Variants in DNAI4 observed in about 807,000 individuals in gnomAD.
The protein encoded by DNAI4 is WD repeat domain 78.
In DNAI4, 85 loss-of-function variants were observed where a neutral mutation model predicts 105.8. That is an observed-to-expected ratio of 0.80 (90% confidence interval 0.67 to 0.96). The LOEUF is 0.96. DNAI4 is among the 40% of genes least tolerant of loss of function. The pLI, the probability that DNAI4 is intolerant of heterozygous loss-of-function variation, is 0.00. For synonymous variants in DNAI4, 352 were observed against 331.5 expected, an observed-to-expected ratio of 1.06 and a Z score of -0.67; for missense variants, 1,014 against 1,005.6, an observed-to-expected ratio of 1.01 and a Z score of -0.11.
At chr1:66,822,149 CTCAT>C (rs1345773366) in intron 16 of DNAI4, among the ~76,000 whole-genome samples, 1 of 150,968 alleles carries the variant, frequency 6.6e-6, no homozygotes, top group African/African-American at 2.4e-5. Context: ...CATTATTATT[CTCAT>C]TATCTTTTAC....
At chr1:66,917,117 G>A (rs1240963183) in intron 1 of DNAI4, among the ~76,000 whole-genome samples, 1 of 152,090 alleles carries the variant, frequency 6.6e-6, no homozygotes, top group Non-Finnish European at 1.5e-5. Context: ...AATTAGACAG[G>A]GAGCATTGTC....
At chr1:66,872,006 G>C (rs1646857078) in intron 5 of DNAI4, among the ~76,000 whole-genome samples, 1 of 152,048 alleles carries the variant, frequency 6.6e-6, no homozygotes. Flanking sequence ...CTGCATGTGT[G>C]CTGAAAGAGA....
At chr1:66,908,145 C>G (rs909554616) in intron 1 of DNAI4, among the ~76,000 whole-genome samples, 8 of 152,150 alleles carry the variant, frequency 5.3e-5, no homozygotes, top group Non-Finnish European at 1.2e-4. Context: ...GAGCCTATAC[C>G]TGTATATTAA....
intron 5 of DNAI4, among the ~76,000 whole-genome samples, chr1:66,871,944 T>C (rs945560981): frequency 2.0e-5 from 3 of 152,350 alleles, no homozygotes; most frequent in African/African-American, 4.8e-5. Flanking sequence ...AATTCTATTC[T>C]GAAATTTTTG....
At position 66,836,184 on chromosome 1, in the gene DNAI4, GAAAGAAAGAAAGAAAGAAAGAA is replaced by G. The variant is rs1284097560; in HGVS notation, c.1582-429_1582-408del. On this transcript the variant is annotated intron_variant, in intron 10 of 16. Coordinates refer to ENST00000371026, the MANE Select transcript of DNAI4 (RefSeq NM_024763.5). The stretch of plus-strand genomic sequence containing the variant: ...AGAAAGAAAGAAAGAAAGAAAGAAA[GAAAGAAAGAAAGAAAGAAAGAA>G]AGAGAGAGAGAGAGAGAGAGAGAGA... Among the ~76,000 whole-genome samples the G allele has an allele frequency of 1.1e-3, 63 of 59,838 alleles. 1 individual carries two copies. The highest frequency in any genetic ancestry group is 8.2e-3 in the Middle Eastern group (1 of 122). The allele number at this position is 59,838 out of a possible 152,430, so 39.3% of individuals were successfully genotyped here.
chr1:66,893,445 C>A (rs1439487977), intron 2 of DNAI4, 32 bp from the exon 3 acceptor site: 5 of 1,395,708 alleles, frequency 3.6e-6, no homozygotes, highest in South Asian at 1.8e-5. Context: ...AATGAAATAA[C>A]TAAAAAAGAC....
intron 4 of DNAI4, among the ~76,000 whole-genome samples, chr1:66,879,047 C>A (rs1931297): frequency 6.6e-6 from 1 of 152,090 alleles, no homozygotes; most frequent in East Asian, 1.9e-4. Context: ...AAACCTCCCA[C>A]ATTTTAAGTC....
At chr1:66,907,798 A>C (rs1649370951) in intron 1 of DNAI4, among the ~76,000 whole-genome samples, 1 of 152,174 alleles carries the variant, frequency 6.6e-6, no homozygotes, top group African/African-American at 2.4e-5. Context: ...TTGCTACTTC[A>C]GACACTTACT....
chr1:66,886,245 C>T (rs932603906), intron 4 of DNAI4, among the ~76,000 whole-genome samples: 1 of 152,182 alleles, frequency 6.6e-6, no homozygotes, highest in African/African-American at 2.4e-5. Context: ...ACATTGTATA[C>T]TTTCTCCATT....
intron 4 of DNAI4, among the ~76,000 whole-genome samples, chr1:66,882,315 A>T (rs6680173): frequency 0.073 from 11,113 of 152,252 alleles, 643 homozygotes; most frequent in African/African-American, 0.16. Context: ...AAAAATTTTT[A>T]AAAAGTCCAA....
At chr1:66,889,968 CAT>C (rs1333024033) in intron 4 of DNAI4, among the ~76,000 whole-genome samples, 2 of 152,166 alleles carry the variant, frequency 1.3e-5, no homozygotes, top group Non-Finnish European at 2.9e-5. Context: ...TGACGTTCCA[CAT>C]ATGTTATTAT....
chr1:66,860,070 T>G (rs1646592427), intron 7 of DNAI4, among the ~76,000 whole-genome samples: 1 of 151,906 alleles, frequency 6.6e-6, no homozygotes, highest in South Asian at 2.1e-4. Flanking sequence ...GCACAGAAAG[T>G]AGAGAGATGA....
intron 3 of DNAI4, 56 bp from the exon 4 acceptor site, chr1:66,891,322 A>G (rs1647625950): frequency 8.2e-7 from 1 of 1,213,312 alleles, no homozygotes; most frequent in African/African-American, 1.5e-5. Flanking sequence ...ATAGGAAACT[A>G]CATATACAAA....
At chr1:66,840,179 T>A (rs1321688532) in intron 9 of DNAI4, among the ~76,000 whole-genome samples, 1 of 152,226 alleles carries the variant, frequency 6.6e-6, no homozygotes, top group Admixed American at 6.5e-5. Flanking sequence ...TATTCATATC[T>A]AACATGAATT....
intron 8 of DNAI4, among the ~76,000 whole-genome samples, chr1:66,842,337 A>G (rs961223858): frequency 3.3e-5 from 5 of 152,194 alleles, no homozygotes; most frequent in Non-Finnish European, 7.3e-5. Context: ...GTTAATCAAC[A>G]GGAGTGATTA....
At chr1:66,891,060 AC>A (rs1482143663) in intron 4 of DNAI4, 93 bp downstream of exon 4, 1 of 980,832 alleles carries the variant, frequency 1.0e-6, no homozygotes, top group Non-Finnish European at 1.6e-6. Flanking sequence ...GGAAATCATT[AC>A]CATATTTCTT....
intron 8 of DNAI4, among the ~76,000 whole-genome samples, chr1:66,844,084 CAAAAAAAAA>C (rs55925419): frequency 2.4e-4 from 16 of 66,356 alleles, no homozygotes; most frequent in South Asian, 6.4e-4. Flanking sequence ...ACTGGAGATT[CAAAAAAAAA>C]AAAAAAAAAA....
intron 7 of DNAI4, among the ~76,000 whole-genome samples, chr1:66,854,115 G>T (rs947785931): frequency 2.0e-5 from 3 of 152,128 alleles, no homozygotes; most frequent in Non-Finnish European, 4.4e-5. Flanking sequence ...ATACTGTCTG[G>T]GAGCAGTTGC....
intron 8 of DNAI4, among the ~76,000 whole-genome samples, chr1:66,846,783 C>T (rs990592104): frequency 1.3e-5 from 2 of 152,150 alleles, no homozygotes; most frequent in African/African-American, 4.8e-5. Flanking sequence ...CCTAGCTTTT[C>T]CACTTACTAT....
Sources: allele counts gnomAD v4.1 joint callset (sites outside exome capture counted in the v4.1 genomes callset), GRCh38; gene constraint gnomAD v4.1.1; transcripts MANE v1.5; gene names NCBI Gene and HGNC (gene_info 2026-07-23, HGNC 2026-07-21).